MRPL4: variants seen among roughly 807,000 people sequenced by gnomAD.
MRPL4 encodes large ribosomal subunit protein uL4m.
A neutral mutation model predicts 34.1 loss-of-function variants in MRPL4; 34 were observed. The ratio of observed to expected loss-of-function variants is 1.00; its 90% CI spans 0.76 to 1.33. MRPL4 has a LOEUF of 1.33. Among genes scored for constraint, MRPL4 ranks in the 40% most tolerant of loss-of-function variants. The probability of loss-of-function intolerance (pLI) is 0.00; values close to 1 mark genes in which losing one functional copy is unlikely to be tolerated. For synonymous variants in MRPL4, 196 were observed against 188.3 expected, an observed-to-expected ratio of 1.04 and a Z score of -0.33; for missense variants, 402 against 434.6, an observed-to-expected ratio of 0.92 and a Z score of 0.67.
At chr19:10,252,861 T>A in intron 3 of MRPL4, 160 bp downstream of exon 3, 1 of 1,065,160 alleles carries the variant, frequency 9.4e-7, no homozygotes, top group Non-Finnish European at 1.3e-6. Context: ...TTTCCCCTGC[T>A]GTAGCGCTGT....
intron 8 of MRPL4, 95 bp downstream of exon 8, chr19:10,258,780 C>T (rs2039878202): frequency 1.2e-6 from 2 of 1,610,592 alleles, no homozygotes; most frequent in South Asian, 2.2e-5. Context: ...GCTGAGTGGC[C>T]TCAGGCAGTG....
In MRPL4 at chr19:10,259,419, G is replaced by A. The variant is rs76636667; in HGVS notation, c.740-198G>A. 1.3e-3 allele frequency: 1,784 copies of A among 1,415,028 alleles called. 21 individuals are homozygous for A. In the African/African-American group the frequency reaches 0.021, roughly 17 times the overall value. 87.7% of individuals were successfully genotyped at this position (1,415,028 alleles called of 1,614,324 possible). A position where few individuals can be genotyped will look rare whatever the true frequency, so the allele number is the denominator to read the frequency against. ...CTCTCGGTCAGCAGGTGATGAGCTG[G>A]GAGCAGCTCCTTGGCCAGAGGCTTA... On this transcript the variant is annotated intron_variant, in intron 8 of 8. Transcript: ENST00000253099.
rs1179501609 is a variant in MRPL4, at chr19:10,259,974, C to T, written c.*161C>T. 1.1e-5 allele frequency: 6 copies of T among 562,536 alleles called. No homozygotes were observed. The highest frequency in any genetic ancestry group is 3.9e-5 in the African/African-American group (2 of 51,554). 34.8% of individuals were successfully genotyped at this position (562,536 alleles called of 1,614,324 possible). ...TCGCCATTGGGAAGGGGCGACTCCACGGAAAGCCCAGACGGGCTTCTGCAT... is the reference window on the plus strand; with the variant it reads ...TCGCCATTGGGAAGGGGCGACTCCATGGAAAGCCCAGACGGGCTTCTGCAT... On this transcript the variant is annotated 3_prime_UTR_variant, in exon 9 of 9. Transcript: ENST00000253099.
intron 3 of MRPL4, 88 bp from the exon 4 acceptor site, chr19:10,254,501 G>A: frequency 6.6e-7 from 1 of 1,507,008 alleles, no homozygotes. Context: ...GGCCCTGGAG[G>A]CAGAAGGGAG....
At position 10,258,521 on chromosome 19, in the gene MRPL4, TTG is replaced by T; in HGVS notation, c.662+2_662+3del. ...GGGGGACTCCGTACTCCTCGTGGAC[TTG>T]TGAGGGCACAGGGCAGAGCAGGGGC... On this transcript the variant is annotated splice_donor_variant and coding_sequence_variant, in exon 7 of 9. Transcript: ENST00000253099. LOFTEE classifies it high-confidence loss of function. 1 of 1,614,030 alleles carries T rather than the reference TTG, an allele frequency of 6.2e-7. No individual in the cohort carries two copies. Among genetic ancestry groups the T allele is most frequent in the South Asian group, 1.1e-5 (1 of 91,088 alleles).
intron 3 of MRPL4, 78 bp downstream of exon 3, chr19:10,252,779 C>CT (rs35087032): frequency 0.19 from 287,284 of 1,527,184 alleles, 28,739 homozygotes; most frequent in Admixed American, 0.3. Context: ...TGACTTTGGG[C>CT]TTGTACCCTT....
intron 5 of MRPL4, among the ~76,000 whole-genome samples, chr19:10,257,066 G>A (rs572081156): frequency 6.6e-6 from 1 of 152,118 alleles, no homozygotes; most frequent in African/African-American, 2.4e-5. Flanking sequence ...TGTCTCTTCA[G>A]CCTGTGGCCA....
rs1341348678 is a variant in MRPL4 at position 10,258,441 on chromosome 19, A to T, written c.581A>T (p.Glu194Val). The change falls in exon 7 of 9, where the codon GAG becomes GTG. Residue 194 changes from glutamate (E) to valine (V), a missense_variant. By Grantham distance (121) the Glu-to-Val change is moderately radical. Coordinates refer to ENST00000253099, the MANE Select transcript of MRPL4 (RefSeq NM_015956.3). ...GACCTGCACATCATGGACTCCCTAGAGCTGCCCACCGGAGACCCACAGTAC... is the reference window on the plus strand; with the variant it reads ...GACCTGCACATCATGGACTCCCTAGTGCTGCCCACCGGAGACCCACAGTAC... Reference protein sequence around the residue: ...QDDLHIMDSLELPTGDPQYLT... With the variant: ...QDDLHIMDSLVLPTGDPQYLT... 1 of 1,613,642 alleles carries T rather than the reference A, an allele frequency of 6.2e-7. No homozygotes were observed. The highest frequency in any genetic ancestry group is 1.1e-5 in the South Asian group (1 of 91,042).
chr19:10,253,280 T>A lies in MRPL4; in HGVS notation c.275+579T>A, dbSNP rs368244788. 4.3e-4 allele frequency among the ~76,000 whole-genome samples: 64 copies of A among 150,336 alleles called. 1 individual carries two copies. The highest frequency in any genetic ancestry group is 3.5e-3 in the Middle Eastern group (1 of 286). ...TCACGAGGTCAGGAGATCGAGACCA[T>A]CCTGGCTAACATGGTGAAACCCCGT... On this transcript the variant is annotated intron_variant, in intron 3 of 8. Coordinates refer to ENST00000253099, the MANE Select transcript of MRPL4 (RefSeq NM_015956.3).
At chr19:10,252,137 G>A (rs1023544923), upstream of MRPL4, 14 of 1,314,826 alleles carry the variant, frequency 1.1e-5, no homozygotes, top group South Asian at 1.8e-4. Context: ...TGCACACCCC[G>A]CTTTCCAGCG....
At position 10,256,738 on chromosome 19, in the gene MRPL4, G is replaced by A. The variant is rs751484818; in HGVS notation, c.358G>A (p.Val120Met). 1.9e-6 allele frequency: 3 copies of A among 1,605,712 alleles called. No homozygotes were observed. Among genetic ancestry groups the A allele is most frequent in the Non-Finnish European group, 2.6e-6 (3 of 1,176,104 alleles). Reference protein sequence around the residue: ...SYAKTKTRAEVRGGGRKPWPQ... With the variant: ...SYAKTKTRAEMRGGGRKPWPQ... The stretch of plus-strand genomic sequence containing the variant: ...TGCCAAGACCAAGACGAGAGCCGAG[G>A]TGCGGGGCGGTGGCCGGAAGCCTTG... Residue 120 changes from valine (V) to methionine (M), a missense_variant, in exon 5 of 9, where the codon GTG (valine) becomes ATG (methionine). Physicochemically the swap from Val to Met is conservative, Grantham distance 21 (BLOSUM62 1). Coordinates refer to ENST00000253099, the MANE Select transcript of MRPL4 (RefSeq NM_015956.3).
chr19:10,258,489 G>A lies in MRPL4; in HGVS notation c.629G>A (p.Arg210His), dbSNP rs769677982. The A allele has an allele frequency of 9.3e-6, 15 of 1,613,904 alleles. No homozygotes were observed. The highest frequency in any genetic ancestry group is 4.5e-5 in the East Asian group (2 of 44,876). The change falls in exon 7 of 9, where the codon CGC becomes CAC. Residue 210 changes from arginine to histidine, a missense_variant. By Grantham distance (29) the Arg-to-His change is conservative (BLOSUM62 0). Transcript: ENST00000253099. ...TACCTGACAGAGCTGGCGCACTACC[G>A]CCGCTGGGGGGACTCCGTACTCCTC... ...PQYLTELAHY[R>H]RWGDSVLLVD...
At chr19:10,259,294 G>A (rs1231165157) in intron 8 of MRPL4, 9 of 1,376,096 alleles carry the variant, frequency 6.5e-6, no homozygotes, top group African/African-American at 6.0e-5. Context: ...GGCCCTGCAC[G>A]ATGTGCCCCG....
chr19:10,252,277 G>T lies in MRPL4; in HGVS notation c.24G>T (p.Gly8=). 1.2e-6 allele frequency: 2 copies of T among 1,608,810 alleles called. No individual in the cohort carries two copies. The highest frequency in any genetic ancestry group is 1.7e-6 in the Non-Finnish European group (2 of 1,177,918). Residue 8 remains glycine, a synonymous_variant, in exon 1 of 9, where the codon GGG becomes GGT. Coordinates refer to ENST00000253099, the MANE Select transcript of MRPL4 (RefSeq NM_015956.3). The part of the protein sequence containing the change: MLQFVRA[G]ARAWLRPTGS... ...CGATGCTGCAGTTCGTCCGGGCCGGGGCGCGGGCCTGGCTTCGGCCTACCG... is the reference window on the plus strand; with the variant it reads ...CGATGCTGCAGTTCGTCCGGGCCGGTGCGCGGGCCTGGCTTCGGCCTACCG...
intron 3 of MRPL4, 48 bp downstream of exon 3, chr19:10,252,749 C>T (rs1441518584): frequency 6.4e-7 from 1 of 1,572,878 alleles, no homozygotes; most frequent in South Asian, 1.1e-5. Flanking sequence ...GGATGAAGAG[C>T]GGGATTTCAG....
intron 3 of MRPL4, among the ~76,000 whole-genome samples, chr19:10,253,372 T>G (rs374501055): frequency 4.9e-5 from 7 of 143,932 alleles, no homozygotes; most frequent in African/African-American, 7.8e-5. Context: ...CCAGGTACTC[T>G]GGAGGCTGAG....
At chr19:10,252,110 C>G (rs559555218), upstream of MRPL4, 158 of 995,686 alleles carry the variant, frequency 1.6e-4, 1 homozygote, top group East Asian at 4.3e-3. Flanking sequence ...GGGTCGGACC[C>G]CCTCCATCTT....
At chr19:10,254,768 C>T (rs1049152724) in intron 4 of MRPL4, 128 bp downstream of exon 4, 8 of 885,818 alleles carry the variant, frequency 9.0e-6, no homozygotes, top group Non-Finnish European at 1.2e-5. Flanking sequence ...GTCTCCTGAA[C>T]TATTCACCGA....
In MRPL4 at chr19:10,259,998, A is replaced by C. The variant is rs2039898668; in HGVS notation, c.*185A>C. 4.2e-6 allele frequency: 2 copies of C among 479,816 alleles called. No homozygotes were observed. The highest frequency in any genetic ancestry group is 4.6e-4 in the Middle Eastern group (1 of 2,194). 29.7% of individuals were successfully genotyped at this position (479,816 alleles called of 1,614,324 possible). ...ACGGAAAGCCCAGACGGGCTTCTGC[A>C]TCCATTCCCTCTTTTTGTTTTTAAA... On this transcript the variant is annotated 3_prime_UTR_variant, in exon 9 of 9. Transcript: ENST00000253099.
Sources: gnomAD v4.1 joint callset for allele counts (sites outside exome capture counted in the v4.1 genomes callset) on GRCh38, gnomAD v4.1.1 for gene constraint, MANE v1.5 for transcripts, NCBI Gene and HGNC (gene_info 2026-07-23, HGNC 2026-07-21) for gene names.